Variants in KDM3B observed in about 807,000 individuals in gnomAD.
KDM3B encodes the protein lysine-specific demethylase 3B.
KDM3B carries 10 observed loss-of-function variants against 170.0 expected under a neutral mutation model. The observed-to-expected ratio is 0.06, with a 90% CI of 0.04 to 0.10. KDM3B has a LOEUF of 0.10. Among genes scored for constraint, KDM3B ranks in the 10% least tolerant of loss-of-function variants. The probability of loss-of-function intolerance (pLI) is 1.00; values close to 1 mark genes in which losing one functional copy is unlikely to be tolerated. For synonymous variants in KDM3B, 831 were observed against 834.8 expected, an observed-to-expected ratio of 1.00 and a Z score of 0.08; for missense variants, 1,394 against 2,195.2, an observed-to-expected ratio of 0.64 and a Z score of 7.29.
chr5:138,419,718 T>TACACAC (rs1441720786), intron 14 of KDM3B, among the ~76,000 whole-genome samples: 69 of 63,668 alleles, frequency 1.1e-3, no homozygotes, highest in East Asian at 1.9e-3. Flanking sequence ...CACATATATA[T>TACACAC]ACACACACAT....
chr5:138,405,948 T>C (rs933115615), intron 11 of KDM3B, among the ~76,000 whole-genome samples: 5 of 152,094 alleles, frequency 3.3e-5, no homozygotes, highest in Non-Finnish European at 5.9e-5. Flanking sequence ...CAGCAACCAC[T>C]TAAAAACAAA....
chr5:138,433,409 GTT>G (rs370681826), intron 23 of KDM3B, among the ~76,000 whole-genome samples: 10 of 126,524 alleles, frequency 7.9e-5, no homozygotes, highest in African/African-American at 1.5e-4. Flanking sequence ...CACTGCGGCT[GTT>G]TTTTTTTTTT....
Position 138,407,411 on chromosome 5 carries a change from T to G in KDM3B, c.3199+7399T>G, listed in dbSNP as rs1316385145. On this transcript the variant is annotated intron_variant, in intron 11 of 23. Transcript: ENST00000314358. ...TTACATTAAGAACTTGGTCTTTTCC[T>G]CTTGGAAGCCCCCTCTCTCTCACTA... Among the ~76,000 whole-genome samples, 3 of 152,164 alleles carry G rather than the reference T, an allele frequency of 2.0e-5. 1 individual carries two copies. Among genetic ancestry groups the G allele is most frequent in the Admixed American group, 2.0e-4 (3 of 15,268 alleles).
At chr5:138,417,744 G>C (rs1370824309) in intron 13 of KDM3B, 134 bp downstream of exon 13, 1 of 864,808 alleles carries the variant, frequency 1.2e-6, no homozygotes, top group Non-Finnish European at 1.8e-6. Flanking sequence ...AGCCTTTCTA[G>C]AGAGAGCTTA....
Position 138,424,154 on chromosome 5 carries a change from A to T in KDM3B, c.4052A>T (p.Asp1351Val). Reference sequence around the variant, plus strand: ...GTGGTAGAAAATAAGAAAACCTCAGATGCTTCAAAGCGGGCCTGCAACTTG... The same window carrying T: ...GTGGTAGAAAATAAGAAAACCTCAGTTGCTTCAAAGCGGGCCTGCAACTTG... Reference protein sequence around the residue: ...ASVVENKKTSDASKRACNLTD... With the variant: ...ASVVENKKTSVASKRACNLTD... The change falls in exon 16 of 24, where the codon GAT becomes GTT. Residue 1351 changes from aspartate (D) to valine (V), a missense_variant. Asp to Val is a radical substitution (Grantham distance 152). Around this residue, in one of 19 missense-constraint regions of KDM3B, gnomAD observed 137 missense variants for 166.9 expected, o/e 0.82. Transcript: ENST00000314358. The T allele has an allele frequency of 6.2e-7, 1 of 1,613,844 alleles. No individual in the cohort carries two copies. The highest frequency in any genetic ancestry group is 8.5e-7 in the Non-Finnish European group (1 of 1,179,802).
intron 15 of KDM3B, among the ~76,000 whole-genome samples, chr5:138,422,533 G>T (rs1033585545): frequency 6.6e-6 from 1 of 152,044 alleles, no homozygotes; most frequent in African/African-American, 2.4e-5. Flanking sequence ...CCAGCTACTC[G>T]GGAGGTTGAG....
chr5:138,358,811 A>G (rs1476294010), intron 1 of KDM3B, among the ~76,000 whole-genome samples: 2 of 141,454 alleles, frequency 1.4e-5, no homozygotes, highest in Admixed American at 1.4e-4. Flanking sequence ...TTATTATTAT[A>G]CTTTAAGTTT....
intron 1 of KDM3B, among the ~76,000 whole-genome samples, chr5:138,367,182 G>A (rs968093982): frequency 3.9e-5 from 6 of 151,984 alleles, no homozygotes; most frequent in East Asian, 3.9e-4. Context: ...TGATTACTTC[G>A]CACTGTAATA....
chr5:138,375,395 T>C (rs185703336), intron 3 of KDM3B, among the ~76,000 whole-genome samples, 189 bp downstream of exon 3: 340 of 152,044 alleles, frequency 2.2e-3, no homozygotes, highest in African/African-American at 7.9e-3. Flanking sequence ...TATTTTTTTT[T>C]GAGACAGAGT....
rs1761362140 is a variant in KDM3B at position 138,352,881 on chromosome 5, C to G, written c.86C>G (p.Pro29Arg). The G allele has an allele frequency of 7.3e-7, 1 of 1,377,736 alleles. No individual in the cohort carries two copies. The highest frequency in any genetic ancestry group is 1.5e-5 in the South Asian group (1 of 64,518). The allele number at this position is 1,377,736 out of a possible 1,614,324, so 85.3% of individuals were successfully genotyped here. A position where few individuals can be genotyped will look rare whatever the true frequency, so the allele number is the denominator to read the frequency against. ...GCGGCCTCAGCCTCGGCCTCGGCTC[C>G]CGCGGCGGCAGCGGCGAGCGGAGAT... ...DTAASASASA[P>R]AAAAASGDPG... Residue 29 changes from proline (P) to arginine (R), a missense_variant, in exon 1 of 24, where the codon CCC (proline) becomes CGC (arginine). By Grantham distance (103) the Pro-to-Arg change is moderately radical. Around this residue, in one of 19 missense-constraint regions of KDM3B, gnomAD observed 99 missense variants for 97.5 expected, o/e 1.02. Transcript: ENST00000314358.
intron 1 of KDM3B, among the ~76,000 whole-genome samples, chr5:138,364,981 A>C (rs1341580991): frequency 1.3e-5 from 2 of 152,250 alleles, no homozygotes; most frequent in Non-Finnish European, 2.9e-5. Context: ...TCTCTTGAGA[A>C]TCAAAGAAAC....
chr5:138,391,791 T>A lies in KDM3B; in HGVS notation c.2159T>A (p.Met720Lys). 6.2e-7 allele frequency: 1 copy of A among 1,614,036 alleles called. No individual in the cohort carries two copies. Among genetic ancestry groups the A allele is most frequent in the Non-Finnish European group, 8.5e-7 (1 of 1,180,008 alleles). ...AGTGGGGGCCCAAGCCTCTCTGCCA[T>A]GGGGAATGGCCGCTCCAGCTCGCCC... Reference protein sequence around the residue: ...LTSGGPSLSAMGNGRSSSPTS... With the variant: ...LTSGGPSLSAKGNGRSSSPTS... The change falls in exon 8 of 24, where the codon ATG (methionine) becomes AAG (lysine). Residue 720 changes from methionine to lysine, a missense_variant. Physicochemically the swap from Met to Lys is moderately conservative, Grantham distance 95. Around this residue, in one of 19 missense-constraint regions of KDM3B, gnomAD observed 294 missense variants for 311.7 expected, o/e 0.94. Transcript: ENST00000314358. The surrounding 1 kb of genome is among the most constrained non-coding windows in gnomAD (Gnocchi z 5.0).
At chr5:138,387,836 CTTTGGGA>C (rs1349074894) in intron 7 of KDM3B, among the ~76,000 whole-genome samples, 4 of 152,322 alleles carry the variant, frequency 2.6e-5, no homozygotes, top group African/African-American at 9.6e-5. Flanking sequence ...AATCCCAGCA[CTTTGGGA>C]GGCCAAGGCG....
intron 5 of KDM3B, 121 bp downstream of exon 5, chr5:138,379,829 A>C (rs921570141): frequency 2.3e-5 from 20 of 874,956 alleles, no homozygotes; most frequent in African/African-American, 3.4e-5. Context: ...CTATTACTTA[A>C]TAGTTGTATA....
At chr5:138,392,910 A>G (rs1762469288) in intron 8 of KDM3B, among the ~76,000 whole-genome samples, 2 of 152,180 alleles carry the variant, frequency 1.3e-5, no homozygotes, top group Admixed American at 6.5e-5. Context: ...CTGGCTTCTT[A>G]TGTTTTTCAC....
intron 15 of KDM3B, among the ~76,000 whole-genome samples, chr5:138,423,372 TA>T (rs1763321357): frequency 6.6e-6 from 1 of 152,238 alleles, no homozygotes; most frequent in Admixed American, 6.5e-5. Flanking sequence ...ATACATACTT[TA>T]TAGAGATAGG....
intron 11 of KDM3B, among the ~76,000 whole-genome samples, chr5:138,413,716 C>T (rs1040766505): frequency 2.0e-5 from 3 of 151,960 alleles, no homozygotes; most frequent in Non-Finnish European, 4.4e-5. Context: ...TCACTGCAGC[C>T]TCCGCCTCCC....
intron 4 of KDM3B, among the ~76,000 whole-genome samples, chr5:138,379,298 C>T (rs1295419315): frequency 2.0e-5 from 3 of 152,054 alleles, no homozygotes; most frequent in African/African-American, 7.2e-5. Context: ...TCCTATAATA[C>T]TTGCAGAACT....
chr5:138,384,527 C>T (rs1249481556), intron 6 of KDM3B, among the ~76,000 whole-genome samples: 1 of 151,848 alleles, frequency 6.6e-6, no homozygotes, highest in African/African-American at 2.4e-5. Context: ...TACCTGAGGT[C>T]AGGAGTTCAA....
Sources: gnomAD v4.1 joint callset for allele counts (sites outside exome capture counted in the v4.1 genomes callset) on GRCh38, gnomAD v4.1.1 for gene constraint, gnomAD v4.1.1 regional missense constraint, Gnocchi (gnomAD v3.1) non-coding constraint, MANE v1.5 for transcripts, NCBI Gene and HGNC (gene_info 2026-07-23, HGNC 2026-07-21) for gene names.